Variants in PLPP3 observed in about 807,000 individuals in gnomAD.
PLPP3 encodes PAP2 beta.
A neutral mutation model predicts 29.6 loss-of-function variants in PLPP3; 6 were observed. The ratio of observed to expected loss-of-function variants is 0.20; its 90% CI spans 0.11 to 0.40. PLPP3 has a LOEUF of 0.40. Among genes scored for constraint, PLPP3 ranks in the 10% least tolerant of loss-of-function variants. The pLI, the probability that PLPP3 is intolerant of heterozygous loss-of-function variation, is 1.00. For synonymous variants in PLPP3, 152 were observed against 159.7 expected, an observed-to-expected ratio of 0.95 and a Z score of 0.36; for missense variants, 308 against 407.7, an observed-to-expected ratio of 0.76 and a Z score of 2.11.
chr1:56,574,608 G>A (rs1029297827), intron 1 of PLPP3, among the ~76,000 whole-genome samples: 4 of 152,204 alleles, frequency 2.6e-5, no homozygotes, highest in South Asian at 2.1e-4. Context: ...GCAATTTACC[G>A]GTTGATTAAT....
chr1:56,570,749 A>G (rs766602385), intron 1 of PLPP3, among the ~76,000 whole-genome samples: 1 of 152,174 alleles, frequency 6.6e-6, no homozygotes, highest in Admixed American at 6.5e-5. Flanking sequence ...AAGCAAAAAT[A>G]AATAAATAAA....
rs370936833 is a variant in PLPP3 at position 56,524,363 on chromosome 1, G to A, written c.489C>T (p.Asn163=). The part of the protein sequence containing the change: ...RLRPHFLSVC[N]PDFSQINCSE... ...AGCAGTTGATCTGGCTGAAATCAGG[G>A]TTGCAGACACTCAAGAAGTGAGGAC... The change falls in exon 3 of 6, where the codon AAC becomes AAT. Residue 163 remains asparagine (N), a synonymous_variant. Transcript: ENST00000371250. The surrounding 1 kb of genome is among the most constrained non-coding windows in gnomAD (Gnocchi z 4.3). 3.5e-5 allele frequency: 56 copies of A among 1,613,962 alleles called. No individual in the cohort carries two copies. The highest frequency in any genetic ancestry group is 2.7e-5 in the Non-Finnish European group (32 of 1,179,962).
At chr1:56,516,217 G>T (rs1645779468) in intron 4 of PLPP3, among the ~76,000 whole-genome samples, 1 of 152,150 alleles carries the variant, frequency 6.6e-6, no homozygotes, top group African/African-American at 2.4e-5. Context: ...TTTCACTGCT[G>T]TCAAATGGAT....
At chr1:56,523,769 G>C in intron 4 of PLPP3, 54 bp downstream of exon 4, 1 of 1,549,214 alleles carries the variant, frequency 6.5e-7, no homozygotes, top group Non-Finnish European at 8.9e-7. Context: ...TATCATATCA[G>C]AAGGGATCGA....
At position 56,579,182 on chromosome 1, in the gene PLPP3, C is replaced by A; in HGVS notation, c.-166G>T. Reference sequence around the variant, plus strand: ...GAGTGCAGCCGGGGCTGCCTGCCTCCAACTGCAGAAGGTGGTGTTTTCTGC... The same window carrying A: ...GAGTGCAGCCGGGGCTGCCTGCCTCAAACTGCAGAAGGTGGTGTTTTCTGC... On this transcript the variant is annotated 5_prime_UTR_variant, in exon 1 of 6. Coordinates refer to ENST00000371250, the MANE Select transcript of PLPP3 (RefSeq NM_003713.5). The A allele has an allele frequency of 1.3e-6, 1 of 795,746 alleles. No homozygotes were observed. The highest frequency in any genetic ancestry group is 1.9e-6 in the Non-Finnish European group (1 of 535,892). 49.3% of individuals were successfully genotyped at this position (795,746 alleles called of 1,614,324 possible).
chr1:56,559,786 T>C (rs772927432), intron 1 of PLPP3, among the ~76,000 whole-genome samples: 3 of 152,150 alleles, frequency 2.0e-5, no homozygotes, highest in Non-Finnish European at 4.4e-5. Context: ...TCCAAGACAG[T>C]TAATATCTCT....
chr1:56,533,524 C>CTGGTCTCTCATA (rs1557505903), intron 2 of PLPP3, among the ~76,000 whole-genome samples: 3 of 152,074 alleles, frequency 2.0e-5, no homozygotes, highest in South Asian at 4.1e-4. Flanking sequence ...CTGGCCATGC[C>CTGGTCTCTCATA]ACTACTTAGT....
Position 56,557,699 on chromosome 1 carries a change from T to C in PLPP3, c.140-20587A>G, listed in dbSNP as rs564546989. Among the ~76,000 whole-genome samples the C allele has an allele frequency of 2.6e-5, 4 of 152,322 alleles. No homozygotes were observed. The South Asian group carries it at 8.3e-4, about 32-fold the overall frequency. ...TTTCCCTTTTCTGCTCAAAGACATA[T>C]AACATTGTCAAGTCCACATTTTATA... On this transcript the variant is annotated intron_variant, in intron 1 of 5. Transcript: ENST00000371250.
chr1:56,577,882 G>C (rs1466527724), intron 1 of PLPP3, among the ~76,000 whole-genome samples: 1 of 151,766 alleles, frequency 6.6e-6, no homozygotes, highest in Non-Finnish European at 1.5e-5. Flanking sequence ...GCAGTGTTCT[G>C]ATGACAAGTA....
chr1:56,498,094 A>G (rs1432297876), intron 5 of PLPP3, among the ~76,000 whole-genome samples: 1 of 152,236 alleles, frequency 6.6e-6, no homozygotes, highest in East Asian at 1.9e-4. Flanking sequence ...AGAAAATGAA[A>G]TATTAGCCGA....
At chr1:56,509,891 G>A (rs1326689443) in intron 5 of PLPP3, among the ~76,000 whole-genome samples, 1 of 149,640 alleles carries the variant, frequency 6.7e-6, no homozygotes, top group Non-Finnish European at 1.5e-5. Flanking sequence ...GGTACCAGCA[G>A]AGAGTAGGTG....
chr1:56,530,894 G>T (rs113104307), intron 2 of PLPP3, among the ~76,000 whole-genome samples: 1 of 152,082 alleles, frequency 6.6e-6, no homozygotes, highest in African/African-American at 2.4e-5. Flanking sequence ...CTCTAAAATG[G>T]CTGAAGCCAC....
chr1:56,519,714 G>A (rs116828549), intron 4 of PLPP3, among the ~76,000 whole-genome samples: 17 of 151,870 alleles, frequency 1.1e-4, no homozygotes, highest in African/African-American at 4.1e-4. Flanking sequence ...GAGGTATAAA[G>A]CATACTTTGT....
intron 5 of PLPP3, among the ~76,000 whole-genome samples, chr1:56,507,824 A>G (rs1375477032): frequency 6.6e-6 from 1 of 152,218 alleles, no homozygotes; most frequent in Non-Finnish European, 1.5e-5. Context: ...AGGTGTGACA[A>G]TGGATGCAAA....
intron 1 of PLPP3, among the ~76,000 whole-genome samples, chr1:56,541,503 T>G (rs988162699): frequency 6.6e-6 from 1 of 152,160 alleles, no homozygotes; most frequent in African/African-American, 2.4e-5. Flanking sequence ...AGGCATTGAC[T>G]GGGCCACTGA....
At position 56,496,426 on chromosome 1, in the gene PLPP3, TC is replaced by T; in HGVS notation, c.*124del. 1 of 1,242,480 alleles carries T rather than the reference TC, an allele frequency of 8.0e-7. No individual in the cohort carries two copies. The highest frequency in any genetic ancestry group is 2.4e-5 in the Admixed American group (1 of 42,292). 77.0% of individuals were successfully genotyped at this position (1,242,480 alleles called of 1,614,324 possible). ...GCCACATAGTAAAACATTTTTTTTT[TC>T]CTTTTTAAAAATCAGTCGGGCAAAA... On this transcript the variant is annotated 3_prime_UTR_variant, in exon 6 of 6. Coordinates refer to ENST00000371250, the MANE Select transcript of PLPP3 (RefSeq NM_003713.5).
intron 1 of PLPP3, among the ~76,000 whole-genome samples, chr1:56,548,097 GCCGTGTCAGCTCAGA>G (rs1443811613): frequency 6.6e-6 from 1 of 152,158 alleles, no homozygotes; most frequent in African/African-American, 2.4e-5. Context: ...CCTGGACAGG[GCCGTGTCAGCTCAGA>G]CAAGGACTGT....
intron 1 of PLPP3, among the ~76,000 whole-genome samples, chr1:56,569,290 A>G (rs1353035117): frequency 6.6e-6 from 1 of 151,876 alleles, no homozygotes. Context: ...CTCCTGCCTC[A>G]GCCTCCTGAT....
chr1:56,521,894 G>GT (rs1488116568), intron 4 of PLPP3, among the ~76,000 whole-genome samples: 2 of 152,140 alleles, frequency 1.3e-5, no homozygotes, highest in African/African-American at 4.8e-5. Flanking sequence ...TGGTAAGGAG[G>GT]TAATTGGAGT....
Sources: gnomAD v4.1 joint callset for allele counts (sites outside exome capture counted in the v4.1 genomes callset) on GRCh38, gnomAD v4.1.1 for gene constraint, Gnocchi (gnomAD v3.1) non-coding constraint, MANE v1.5 for transcripts, NCBI Gene and HGNC (gene_info 2026-07-23, HGNC 2026-07-21) for gene names.